Variants in CELF2 observed in about 807,000 individuals in gnomAD.
CELF2 encodes the protein CUG triplet repeat RNA-binding protein 2.
A neutral mutation model predicts 62.6 loss-of-function variants in CELF2; 8 were observed. That is an observed-to-expected ratio of 0.13 (90% CI 0.07 to 0.23). The LOEUF (loss-of-function observed/expected upper bound fraction) is 0.23, where lower values mean the gene tolerates loss of function less well. Among genes scored for constraint, CELF2 ranks in the 10% least tolerant of loss-of-function variants. CELF2 has a pLI of 1.00. For synonymous variants in CELF2, 258 were observed against 250.0 expected, an observed-to-expected ratio of 1.03 and a Z score of -0.30; for missense variants, 333 against 671.0, an observed-to-expected ratio of 0.50 and a Z score of 5.56.
intron 2 of CELF2, among the ~76,000 whole-genome samples, chr10:11,206,249 C>T (rs147658738): frequency 1.6e-4 from 24 of 152,258 alleles, no homozygotes; most frequent in African/African-American, 5.1e-4. Flanking sequence ...CTTGAGAGAT[C>T]GGCCTGGCCT....
At chr10:10,713,967 G>A in the CELF2 span, among the ~76,000 whole-genome samples, 9 of 152,150 alleles carry the variant, frequency 5.9e-5, no homozygotes, top group African/African-American at 2.2e-4. Flanking sequence ...CCTGGGAGGT[G>A]AAGATTCCAG....
the CELF2 span, among the ~76,000 whole-genome samples, chr10:10,492,837 T>TC: frequency 6.6e-6 from 1 of 152,126 alleles, no homozygotes. Context: ...GGGGGCAGTT[T>TC]CCCCCATACT....
At chr10:10,750,624 T>A in the CELF2 span, among the ~76,000 whole-genome samples, 1 of 152,244 alleles carries the variant, frequency 6.6e-6, no homozygotes, top group Non-Finnish European at 1.5e-5. Context: ...ATTGAAAAAA[T>A]TTAACAAATA....
intron 2 of CELF2, among the ~76,000 whole-genome samples, chr10:11,167,254 A>G (rs761151742): frequency 2.0e-5 from 3 of 152,258 alleles, no homozygotes; most frequent in Non-Finnish European, 2.9e-5. Context: ...AGGAAAGACA[A>G]TAGGCTAGAG....
chr10:10,905,962 C>T (rs529915262), intron 1 of CELF2, among the ~76,000 whole-genome samples: 26 of 151,926 alleles, frequency 1.7e-4, no homozygotes, highest in Admixed American at 3.9e-4. Flanking sequence ...TCCCAGCTAT[C>T]AGGGCACCTG....
rs529051711 is a variant in CELF2 at position 11,064,863 on chromosome 10, G to A, written c.74+46700G>A. 8.5e-5 allele frequency among the ~76,000 whole-genome samples: 13 copies of A among 152,216 alleles called. No homozygotes were observed. In the South Asian group the frequency reaches 2.1e-3, roughly 24 times the overall value. On this transcript the variant is annotated intron_variant, in intron 1 of 12. Coordinates refer to ENST00000633077, the MANE Select transcript of CELF2 (RefSeq NM_001326342.2). ...AAACCTGGCATAGTACAAACCCTCC[G>A]GTAGTCAGGGAATCATCTAACATTA...
chr10:10,571,268 C>T, the CELF2 span, among the ~76,000 whole-genome samples: 1 of 152,244 alleles, frequency 6.6e-6, no homozygotes, highest in African/African-American at 2.4e-5. Flanking sequence ...CAGACATTTA[C>T]TAAATCTATT....
the CELF2 span, among the ~76,000 whole-genome samples, chr10:10,731,765 C>G: frequency 6.6e-6 from 1 of 152,110 alleles, no homozygotes; most frequent in African/African-American, 2.4e-5. Context: ...ACCCTAAGAG[C>G]ACTCGGTAGG....
At chr10:11,125,768 T>C (rs2058579976) in intron 1 of CELF2, among the ~76,000 whole-genome samples, 1 of 152,328 alleles carries the variant, frequency 6.6e-6, no homozygotes, top group Non-Finnish European at 1.5e-5. Context: ...TTAAAGTGTC[T>C]ACTTGTCTCC....
the CELF2 span, among the ~76,000 whole-genome samples, chr10:10,761,957 G>C: frequency 5.1e-4 from 68 of 133,510 alleles, no homozygotes; most frequent in Middle Eastern, 7.9e-3. Context: ...TGTGTGTGTA[G>C]ACAGATATGT....
At chr10:11,182,251 G>C (rs893413179) in intron 2 of CELF2, among the ~76,000 whole-genome samples, 1 of 152,306 alleles carries the variant, frequency 6.6e-6, no homozygotes, top group Admixed American at 6.5e-5. Context: ...TGATGTAACC[G>C]GGGAGCGGGG....
chr10:10,542,200 C>T, the CELF2 span, among the ~76,000 whole-genome samples: 1 of 152,302 alleles, frequency 6.6e-6, no homozygotes, highest in African/African-American at 2.4e-5. Flanking sequence ...TCTCACATAG[C>T]TCTTTTGAGT....
At chr10:11,234,707 G>C (rs1304409604) in intron 3 of CELF2, among the ~76,000 whole-genome samples, 2 of 133,670 alleles carry the variant, frequency 1.5e-5, no homozygotes, top group Admixed American at 1.5e-4. Flanking sequence ...AAAAATTCAA[G>C]TTCTTTACAA....
chr10:11,171,107 C>G (rs1596554118), intron 2 of CELF2, among the ~76,000 whole-genome samples: 1 of 152,202 alleles, frequency 6.6e-6, no homozygotes, highest in African/African-American at 2.4e-5. Flanking sequence ...TTGACTATCA[C>G]TACGTACCAA....
chr10:10,937,682 G>T (rs1478405873), intron 2 of CELF2: 1 of 152,166 alleles, frequency 6.6e-6, no homozygotes, highest in South Asian at 2.1e-4. Flanking sequence ...GTGATGAGTA[G>T]CTATAATTGA....
the CELF2 span, among the ~76,000 whole-genome samples, chr10:10,689,906 T>C: frequency 4.6e-5 from 7 of 152,226 alleles, no homozygotes; most frequent in African/African-American, 1.7e-4. Context: ...ACAGGAAGTA[T>C]TTCATTCAAC....
chr10:10,813,831 C>A (rs1013778346), intron 1 of CELF2, among the ~76,000 whole-genome samples: 1 of 152,166 alleles, frequency 6.6e-6, no homozygotes, highest in Non-Finnish European at 1.5e-5. Context: ...AGTTTTAGAA[C>A]CTTTGAGATC....
chr10:10,679,086 C>T, the CELF2 span, among the ~76,000 whole-genome samples: 2 of 152,094 alleles, frequency 1.3e-5, no homozygotes, highest in African/African-American at 2.4e-5. Flanking sequence ...TCTCCACCCC[C>T]TACTTTAGCA....
intron 1 of CELF2, among the ~76,000 whole-genome samples, chr10:10,852,053 A>G (rs1023224843): frequency 3.3e-5 from 5 of 152,264 alleles, no homozygotes; most frequent in African/African-American, 1.2e-4. Flanking sequence ...TTTCTTAAAA[A>G]GTTAAATAGG....
Sources: gnomAD v4.1 joint callset for allele counts (sites outside exome capture counted in the v4.1 genomes callset) on GRCh38, gnomAD v4.1.1 for gene constraint, MANE v1.5 for transcripts, NCBI Gene and HGNC (gene_info 2026-07-23, HGNC 2026-07-21) for gene names.